The following OR2L13 variants were observed in gnomAD, a reference collection of about 807,000 sequenced individuals.
OR2L13 encodes olfactory receptor 2L13.
A neutral mutation model predicts 15.3 loss-of-function variants in OR2L13; 14 were observed. That is an observed-to-expected ratio of 0.91 (90% CI 0.60 to 1.43). The LOEUF is 1.43. Ranked by LOEUF, OR2L13 falls within the 40% of genes most tolerant of loss-of-function variation. OR2L13 has a pLI of 0.00. For synonymous variants in OR2L13, 152 were observed against 142.9 expected (o/e 1.06, Z -0.45); for missense variants, 367 against 387.9 (o/e 0.95, Z 0.45).
chr1:247,991,065 T>G, the OR2L13 span: 1 of 1,577,242 alleles, frequency 6.3e-7, no homozygotes, highest in South Asian at 1.1e-5. Flanking sequence ...CCCTGCGATC[T>G]CCGACAGAGG....
At chr1:248,021,644 A>G in the OR2L13 span, among the ~76,000 whole-genome samples, 3 of 152,230 alleles carry the variant, frequency 2.0e-5, no homozygotes, top group African/African-American at 7.2e-5. Flanking sequence ...CAGTACAACG[A>G]GGTATTTTGA....
At chr1:248,054,369 A>G in the OR2L13 span, among the ~76,000 whole-genome samples, 4 of 152,042 alleles carry the variant, frequency 2.6e-5, no homozygotes, top group African/African-American at 9.7e-5. Flanking sequence ...GCTTTGTAGT[A>G]TAGTTTGCAG....
At chr1:248,053,169 T>C in the OR2L13 span, among the ~76,000 whole-genome samples, 2 of 152,278 alleles carry the variant, frequency 1.3e-5, no homozygotes, top group East Asian at 3.9e-4. Context: ...GTGTTTTCAT[T>C]GTTCAGCTCC....
chr1:247,991,223 A>G, the OR2L13 span: 1 of 1,499,208 alleles, frequency 6.7e-7, no homozygotes, highest in Non-Finnish European at 9.2e-7. Context: ...GTTCTGCCTT[A>G]GAGTCAAAGC....
chr1:248,084,855 G>GCAT, the OR2L13 span, among the ~76,000 whole-genome samples: 1 of 152,116 alleles, frequency 6.6e-6, no homozygotes, highest in Non-Finnish European at 1.5e-5. Context: ...AGTAACACTA[G>GCAT]CATCTTTGAG....
At chr1:248,032,755 A>T in the OR2L13 span, among the ~76,000 whole-genome samples, 1 of 152,102 alleles carries the variant, frequency 6.6e-6, no homozygotes, top group African/African-American at 2.4e-5. Context: ...TTCTCTGTGG[A>T]TGGACACTTA....
At chr1:248,038,955 G>T in the OR2L13 span, 14 of 1,614,112 alleles carry the variant, frequency 8.7e-6, no homozygotes, top group African/African-American at 1.3e-5. Context: ...CATGCACTCT[G>T]CAGAAGGGAG....
chr1:248,059,399 C>A, the OR2L13 span, among the ~76,000 whole-genome samples: 1 of 152,098 alleles, frequency 6.6e-6, no homozygotes, highest in Non-Finnish European at 1.5e-5. Context: ...CCTCAAAATT[C>A]ATTCTTTTGA....
the OR2L13 span, among the ~76,000 whole-genome samples, chr1:248,051,923 A>G: frequency 5.3e-4 from 81 of 152,316 alleles, no homozygotes; most frequent in African/African-American, 1.8e-3. Context: ...ATGAGTTTAT[A>G]GGAACATAAC....
chr1:247,990,200 T>C, the OR2L13 span: 1 of 618,706 alleles, frequency 1.6e-6, no homozygotes, highest in Non-Finnish European at 2.9e-6. Context: ...CCCCTGCAGA[T>C]AAGGGGGAAC....
the OR2L13 span, among the ~76,000 whole-genome samples, chr1:247,985,597 T>C: frequency 3.9e-5 from 6 of 152,236 alleles, no homozygotes; most frequent in African/African-American, 1.4e-4. Flanking sequence ...TATAGTAGCA[T>C]GATTTATAAT....
At chr1:247,991,265 C>T in the OR2L13 span, 58 of 1,115,032 alleles carry the variant, frequency 5.2e-5, 4 homozygotes, top group South Asian at 2.4e-4. Context: ...CAGTGTACGG[C>T]GGTTAAGGAA....
At chr1:248,082,377 T>G in the OR2L13 span, among the ~76,000 whole-genome samples, 1 of 125,770 alleles carries the variant, frequency 8.0e-6, no homozygotes, top group Non-Finnish European at 1.7e-5. Context: ...GAGGATAGCA[T>G]TGGGAGATAT....
the OR2L13 span, among the ~76,000 whole-genome samples, chr1:248,030,822 C>T: frequency 6.6e-6 from 1 of 152,088 alleles, no homozygotes; most frequent in Non-Finnish European, 1.5e-5. Flanking sequence ...ACATATTGCA[C>T]GTGCCAGTGT....
the OR2L13 span, among the ~76,000 whole-genome samples, chr1:248,028,140 CAA>C: frequency 0.027 from 1,005 of 37,616 alleles, 3 homozygotes; most frequent in African/African-American, 0.07. Flanking sequence ...GATTCCGTCT[CAA>C]AAAAAAAAAA....
chr1:248,096,314 C>T (rs1022632277), upstream of OR2L13, among the ~76,000 whole-genome samples: 7 of 150,918 alleles, frequency 4.6e-5, no homozygotes, highest in South Asian at 4.2e-4. Flanking sequence ...ACCCGGGAGG[C>T]GGAGCTTGCA....
chr1:248,008,178 T>C, the OR2L13 span, among the ~76,000 whole-genome samples: 1 of 152,158 alleles, frequency 6.6e-6, no homozygotes, highest in African/African-American at 2.4e-5. Flanking sequence ...ATTGGAAGAA[T>C]GCAGTTGACC....
the OR2L13 span, among the ~76,000 whole-genome samples, chr1:248,031,313 G>A: frequency 5.3e-5 from 8 of 152,106 alleles, no homozygotes; most frequent in Admixed American, 1.3e-4. Flanking sequence ...ATGCTACATT[G>A]GTGTTCATGA....
At chr1:247,948,401 T>C in the OR2L13 span, among the ~76,000 whole-genome samples, 120,967 of 152,130 alleles carry the variant, frequency 0.8, 52,480 homozygotes, top group South Asian at 0.95. Context: ...TCATATTCTA[T>C]TGAAGTTGTA....
Sources: gnomAD v4.1 joint callset for allele counts (sites outside exome capture counted in the v4.1 genomes callset) on GRCh38, gnomAD v4.1.1 for gene constraint, MANE v1.5 for transcripts, NCBI Gene and HGNC (gene_info 2026-07-23, HGNC 2026-07-21) for gene names.